The following ST6GALNAC5 variants were observed in gnomAD, a reference collection of about 807,000 sequenced individuals.
ST6GALNAC5 encodes alpha-N-acetylgalactosaminide alpha-2,6-sialyltransferase 5.
A neutral mutation model predicts 33.6 loss-of-function variants in ST6GALNAC5; 27 were observed. The ratio of observed to expected loss-of-function variants is 0.80; its 90% CI spans 0.59 to 1.11. The LOEUF (loss-of-function observed/expected upper bound fraction) is 1.11, where lower values mean the gene tolerates loss of function less well. Ranked by LOEUF, ST6GALNAC5 falls within the 50% of genes least tolerant of loss-of-function variation. The pLI is 0.00. For synonymous variants in ST6GALNAC5, 194 were observed against 171.2 expected, an observed-to-expected ratio of 1.13 and a Z score of -1.04; for missense variants, 428 against 454.0, an observed-to-expected ratio of 0.94 and a Z score of 0.52.
At chr1:76,886,159 G>T (rs1250933332) in intron 2 of ST6GALNAC5, among the ~76,000 whole-genome samples, 1 of 152,114 alleles carries the variant, frequency 6.6e-6, no homozygotes, top group Non-Finnish European at 1.5e-5. Context: ...TTCCTAAAAA[G>T]AAATTTTACT....
chr1:76,910,862 T>G (rs1201352617), intron 2 of ST6GALNAC5, among the ~76,000 whole-genome samples: 1 of 151,796 alleles, frequency 6.6e-6, no homozygotes, highest in African/African-American at 2.4e-5. Context: ...AATGGTATAT[T>G]TAAATAAGTG....
intron 2 of ST6GALNAC5, among the ~76,000 whole-genome samples, chr1:76,933,503 T>C (rs1647165548): frequency 6.6e-6 from 1 of 151,972 alleles, no homozygotes; most frequent in South Asian, 2.1e-4. Context: ...AGAGAGGTGA[T>C]GGACAAAGGC....
intron 2 of ST6GALNAC5, among the ~76,000 whole-genome samples, chr1:77,037,330 A>G (rs1651679829): frequency 6.6e-6 from 1 of 152,212 alleles, no homozygotes; most frequent in Admixed American, 6.5e-5. Context: ...GTTCTTACTT[A>G]TAAGTGGGAA....
intron 2 of ST6GALNAC5, among the ~76,000 whole-genome samples, chr1:76,981,926 G>T (rs1829752): frequency 4.3e-4 from 66 of 152,128 alleles, no homozygotes; most frequent in Middle Eastern, 6.8e-3. Flanking sequence ...AGACCTGACC[G>T]TTAGAAGGAA....
intron 2 of ST6GALNAC5, among the ~76,000 whole-genome samples, chr1:76,905,752 C>T (rs897461955): frequency 7.9e-5 from 12 of 152,092 alleles, no homozygotes; most frequent in African/African-American, 2.9e-4. Context: ...TTGAGTCAGT[C>T]TTTTGCAAAT....
At chr1:76,870,092 G>A (rs182222587) in intron 2 of ST6GALNAC5, among the ~76,000 whole-genome samples, 1 of 152,284 alleles carries the variant, frequency 6.6e-6, no homozygotes, top group East Asian at 1.9e-4. Flanking sequence ...AGGAGCAGGG[G>A]TTGGGGGGTA....
chr1:76,977,096 T>A (rs144230934), intron 2 of ST6GALNAC5, among the ~76,000 whole-genome samples: 8 of 152,180 alleles, frequency 5.3e-5, no homozygotes, highest in African/African-American at 1.9e-4. Flanking sequence ...TATATTAATC[T>A]CTTTCTTCAC....
intron 2 of ST6GALNAC5, among the ~76,000 whole-genome samples, chr1:76,882,505 T>A (rs1317396893): frequency 6.6e-6 from 1 of 152,170 alleles, no homozygotes; most frequent in Non-Finnish European, 1.5e-5. Context: ...ATTTTACCTA[T>A]CATAGGGAAA....
intron 4 of ST6GALNAC5, among the ~76,000 whole-genome samples, chr1:77,058,681 C>T (rs956746911): frequency 6.6e-6 from 1 of 152,188 alleles, no homozygotes; most frequent in Non-Finnish European, 1.5e-5. Context: ...TTTCTAGCAA[C>T]ACAAAATGGA....
At position 76,912,521 on chromosome 1, in the gene ST6GALNAC5, G is replaced by A. The variant is rs574884756; in HGVS notation, c.261+43779G>A. On this transcript the variant is annotated intron_variant, in intron 2 of 4. Coordinates refer to ENST00000477717, the MANE Select transcript of ST6GALNAC5 (RefSeq NM_030965.3). ...CGTTGATCTGTCTAATGTTACAGTG[G>A]GGTGTTAAAGTCTCCCATTATTATT... 3.3e-5 allele frequency among the ~76,000 whole-genome samples: 5 copies of A among 151,950 alleles called. No homozygotes were observed. The East Asian group carries it at 9.6e-4, about 29-fold the overall frequency.
At chr1:77,017,109 C>T (rs1650878401) in intron 2 of ST6GALNAC5, among the ~76,000 whole-genome samples, 1 of 147,802 alleles carries the variant, frequency 6.8e-6, no homozygotes, top group African/African-American at 2.5e-5. Flanking sequence ...AGAAAAAAGC[C>T]AGTCCAAGCT....
chr1:77,026,226 A>G (rs772606385), intron 2 of ST6GALNAC5, among the ~76,000 whole-genome samples: 2 of 152,192 alleles, frequency 1.3e-5, no homozygotes, highest in Non-Finnish European at 2.9e-5. Context: ...GATATGATTA[A>G]GGAGAGAGTC....
chr1:76,997,314 T>G (rs1053107760), intron 2 of ST6GALNAC5, among the ~76,000 whole-genome samples: 3 of 152,132 alleles, frequency 2.0e-5, no homozygotes, highest in African/African-American at 7.2e-5. Context: ...AGAAGACTGT[T>G]AGGAACAATG....
intron 2 of ST6GALNAC5, among the ~76,000 whole-genome samples, chr1:76,889,244 A>G (rs898389778): frequency 4.6e-5 from 7 of 152,122 alleles, no homozygotes; most frequent in Non-Finnish European, 1.0e-4. Context: ...GCAGTATTTT[A>G]GTCTTCTTCT....
chr1:76,884,484 A>G (rs989280823), intron 2 of ST6GALNAC5, among the ~76,000 whole-genome samples: 1 of 152,120 alleles, frequency 6.6e-6, no homozygotes, highest in Non-Finnish European at 1.5e-5. Flanking sequence ...GGTGTAGAAT[A>G]AGTGTGCTGG....
At chr1:76,990,161 T>G (rs1309976329) in intron 2 of ST6GALNAC5, among the ~76,000 whole-genome samples, 1 of 152,206 alleles carries the variant, frequency 6.6e-6, no homozygotes, top group African/African-American at 2.4e-5. Flanking sequence ...GAAGGCTGCA[T>G]GACGCAGCCA....
intron 2 of ST6GALNAC5, among the ~76,000 whole-genome samples, chr1:76,969,729 G>T (rs868408972): frequency 6.6e-6 from 1 of 152,166 alleles, no homozygotes; most frequent in Admixed American, 6.5e-5. Flanking sequence ...CTCCTCAAGT[G>T]GGTCCCTGAC....
At chr1:76,931,113 C>T (rs1647136441) in intron 2 of ST6GALNAC5, among the ~76,000 whole-genome samples, 1 of 152,134 alleles carries the variant, frequency 6.6e-6, no homozygotes, top group Non-Finnish European at 1.5e-5. Context: ...GTATGCAGCC[C>T]TGTTGGGGGA....
chr1:77,050,715 ATG>A (rs1383420860), intron 4 of ST6GALNAC5, among the ~76,000 whole-genome samples: 5 of 152,268 alleles, frequency 3.3e-5, no homozygotes, highest in Non-Finnish European at 5.9e-5. Flanking sequence ...TAATTTTTTA[ATG>A]AATTAAAGAG....
Sources: allele counts gnomAD v4.1 joint callset (sites outside exome capture counted in the v4.1 genomes callset), GRCh38; gene constraint gnomAD v4.1.1; transcripts MANE v1.5; gene names NCBI Gene and HGNC (gene_info 2026-07-23, HGNC 2026-07-21).